COL17A1: variants seen among roughly 807,000 people sequenced by gnomAD.
COL17A1 encodes collagen type XVII alpha 1 chain.
In COL17A1, 181 loss-of-function variants were observed where a neutral mutation model predicts 218.4. The observed-to-expected ratio is 0.83, with a 90% CI of 0.73 to 0.94. COL17A1 has a LOEUF of 0.94. Among genes scored for constraint, COL17A1 ranks in the 40% least tolerant of loss-of-function variants. The probability of loss-of-function intolerance (pLI) is 0.00; values close to 1 mark genes in which losing one functional copy is unlikely to be tolerated. For missense variants in COL17A1, 1,924 were observed against 1,945.9 expected (o/e 0.99, Z 0.21); for synonymous variants, 721 against 731.0 (o/e 0.99, Z 0.22).
At chr10:104,056,120 C>G in intron 17 of COL17A1, 117 bp from the exon 18 acceptor site, 2 of 1,200,222 alleles carry the variant, frequency 1.7e-6, no homozygotes, top group Non-Finnish European at 2.5e-6. Flanking sequence ...CTTCTTCATG[C>G]TAGAATACTC....
In COL17A1 at chr10:104,070,527, C is replaced by T. The variant is rs767496854; in HGVS notation, c.506G>A (p.Arg169Gln). Reference protein sequence around the residue: ...DDVKRLLKGSRSASVSPTRNS... With the variant: ...DDVKRLLKGSQSASVSPTRNS... Reference sequence around the variant, plus strand: ...CCGGGTGGGGCTCACACTTGCCGATCGACTCCCCTTGAGCAAACGCTTAAC... The same window carrying T: ...CCGGGTGGGGCTCACACTTGCCGATTGACTCCCCTTGAGCAAACGCTTAAC... Residue 169 changes from arginine (R) to glutamine (Q), a missense_variant, in exon 9 of 56, where the codon CGA (arginine) becomes CAA (glutamine). Physicochemically the swap from Arg to Gln is conservative, Grantham distance 43. Transcript: ENST00000648076. 1.2e-5 allele frequency: 20 copies of T among 1,614,006 alleles called. No homozygotes were observed. Among genetic ancestry groups the T allele is most frequent in the Admixed American group, 1.0e-4 (6 of 60,008 alleles).
At chr10:104,058,357 T>C (rs562949132) in intron 15 of COL17A1, among the ~76,000 whole-genome samples, 167 bp from the exon 16 acceptor site, 1 of 152,348 alleles carries the variant, frequency 6.6e-6, no homozygotes, top group Admixed American at 6.5e-5. Flanking sequence ...TTTGCGATAA[T>C]TACATCCATG....
In COL17A1 at chr10:104,057,123, G is replaced by A. The variant is rs200949191; in HGVS notation, c.1317C>T (p.Gly439=). 16 of 1,602,710 alleles carry A rather than the reference G, an allele frequency of 1.0e-5. No homozygotes were observed. The highest frequency in any genetic ancestry group is 3.3e-5 in the South Asian group (3 of 91,040). ...GGCCGCCGCCAGCGCCACCAACACC[G>A]CCACCTCCTCCACTGCCACCACCAC... ...SSGGGGSGGG[G]GVGGAGGGPW... The change falls in exon 17 of 56, where the codon GGC becomes GGT. Residue 439 remains glycine (G), a synonymous_variant. Coordinates refer to ENST00000648076, the MANE Select transcript of COL17A1 (RefSeq NM_000494.4).
rs758414436 is a variant in COL17A1 at position 104,035,393 on chromosome 10, C to T, written c.3509-20G>A. 57 of 1,613,660 alleles carry T rather than the reference C, an allele frequency of 3.5e-5. No homozygotes were observed. The highest frequency in any genetic ancestry group is 6.7e-5 in the Admixed American group (4 of 59,998). On this transcript the variant is annotated intron_variant, in intron 49 of 55. Transcript: ENST00000648076. ...CAGACCCTGAGACACCAAGGGAGGG[C>T]ACGGAGTCAGTCCTGGCCTGGGCCA... is the stretch of plus-strand genomic sequence containing the variant.
rs1589567699 is a variant in COL17A1, at chr10:104,055,708, T to TG, written c.1687+73dup. On this transcript the variant is annotated intron_variant, in intron 18 of 55. Transcript: ENST00000648076. ...GCCGGATGATGGTGCTCACAGCACA[T>TG]GCACACATACCACATAGATGCAAAG... The TG allele has an allele frequency of 3.2e-6, 5 of 1,584,366 alleles. No individual in the cohort carries two copies. In the East Asian group the frequency reaches 1.1e-4, roughly 35 times the overall value.
intron 24 of COL17A1, 72 bp from the exon 25 acceptor site, chr10:104,051,588 G>A (rs1293424414): frequency 6.3e-6 from 10 of 1,586,434 alleles, no homozygotes; most frequent in Non-Finnish European, 8.6e-6. Context: ...CCGGTGCAGG[G>A]CAGGTGGGGG....
chr10:104,049,274 C>G, intron 29 of COL17A1, 135 bp downstream of exon 29: 1 of 791,510 alleles, frequency 1.3e-6, no homozygotes. Context: ...ACAGAAATGA[C>G]TGGTCAAGGG....
At chr10:104,056,900 T>C in intron 17 of COL17A1, 75 bp downstream of exon 17, 1 of 1,547,464 alleles carries the variant, frequency 6.5e-7, no homozygotes, top group Non-Finnish European at 8.7e-7. Flanking sequence ...ATTCACAGAT[T>C]CCTGCCCTTC....
intron 4 of COL17A1, among the ~76,000 whole-genome samples, chr10:104,076,917 A>T (rs1242000601): frequency 6.6e-6 from 1 of 152,202 alleles, no homozygotes; most frequent in African/African-American, 2.4e-5. Context: ...CACTGGGAAC[A>T]ATGGGCCTGT....
chr10:104,039,684 C>T, intron 41 of COL17A1, 44 bp from the exon 42 acceptor site: 2 of 1,613,744 alleles, frequency 1.2e-6, no homozygotes, highest in Non-Finnish European at 1.7e-6. Flanking sequence ...TCACTTTTCT[C>T]ACCCACTAAC....
Position 104,073,202 on chromosome 10 carries a change from G to T in COL17A1, c.415+8C>A. 1 of 1,613,288 alleles carries T rather than the reference G, an allele frequency of 6.2e-7. No homozygotes were observed. Among genetic ancestry groups the T allele is most frequent in the Non-Finnish European group, 8.5e-7 (1 of 1,179,312 alleles). ...ATGAATTGGACTGAACCCAGTGACA[G>T]CACTCACCTCGTGTTTGACTCCGTC... On this transcript the variant is annotated splice_region_variant and intron_variant, in intron 7 of 55. Coordinates refer to ENST00000648076, the MANE Select transcript of COL17A1 (RefSeq NM_000494.4).
chr10:104,054,443 C>T (rs903699373), intron 20 of COL17A1, among the ~76,000 whole-genome samples: 16 of 151,952 alleles, frequency 1.1e-4, no homozygotes, highest in African/African-American at 3.1e-4. Flanking sequence ...GAGGGGTGTG[C>T]GGGCTGGAGA....
chr10:104,032,899 C>A lies in COL17A1; in HGVS notation c.4357+7G>T. On this transcript the variant is annotated splice_region_variant and intron_variant, in intron 54 of 55. Transcript: ENST00000648076. Reference sequence around the variant, plus strand: ...GATCCAGGGACTGGCTCTCTGCCACCACTTACCTTTGGGTCCTGGAGTGCC... The same window carrying A: ...GATCCAGGGACTGGCTCTCTGCCACAACTTACCTTTGGGTCCTGGAGTGCC... 1 of 1,614,156 alleles carries A rather than the reference C, an allele frequency of 6.2e-7. No homozygotes were observed. Among genetic ancestry groups the A allele is most frequent in the East Asian group, 2.2e-5 (1 of 44,880 alleles).
rs750821979 is a variant in COL17A1, at chr10:104,043,595, G to T, written c.2435-14C>A. 1.2e-6 allele frequency: 2 copies of T among 1,613,618 alleles called. No homozygotes were observed. The highest frequency in any genetic ancestry group is 1.7e-5 in the Admixed American group (1 of 60,002). Reference sequence around the variant, plus strand: ...TCGATGACCCCTCTGAAAACAGAAGGCACATGGAACATTGAGCCCTACTTT... The same window carrying T: ...TCGATGACCCCTCTGAAAACAGAAGTCACATGGAACATTGAGCCCTACTTT... On this transcript the variant is annotated splice_polypyrimidine_tract_variant and intron_variant, in intron 34 of 55. Transcript: ENST00000648076.
intron 41 of COL17A1, 101 bp from the exon 42 acceptor site, chr10:104,039,741 G>T: frequency 6.6e-7 from 1 of 1,521,484 alleles, no homozygotes; most frequent in Non-Finnish European, 9.1e-7. Flanking sequence ...GGGCTGCGTT[G>T]CCCTTTGGGC....
At position 104,040,931 on chromosome 10, in the gene COL17A1, T is replaced by C. The variant is rs981776931; in HGVS notation, c.2701+134A>G. On this transcript the variant is annotated intron_variant, in intron 39 of 55. Coordinates refer to ENST00000648076, the MANE Select transcript of COL17A1 (RefSeq NM_000494.4). Reference sequence around the variant, plus strand: ...CCATGTGCAGCAAGCAGGAAGATTATATAAACATATCCCCATGGAAGTCAG... The same window carrying C: ...CCATGTGCAGCAAGCAGGAAGATTACATAAACATATCCCCATGGAAGTCAG... 35 of 997,888 alleles carry C rather than the reference T, an allele frequency of 3.5e-5. No individual in the cohort carries two copies. The Admixed American group carries it at 6.5e-4, about 18-fold the overall frequency. 61.8% of individuals were successfully genotyped at this position (997,888 alleles called of 1,614,324 possible). A position where few individuals can be genotyped will look rare whatever the true frequency, so the allele number is the denominator to read the frequency against.
At position 104,040,397 on chromosome 10, in the gene COL17A1, G is replaced by A. The variant is rs139467442; in HGVS notation, c.2715C>T (p.Ser905=). 912 of 1,609,064 alleles carry A rather than the reference G, an allele frequency of 5.7e-4. 6 individuals carry two copies. Among genetic ancestry groups the A allele is most frequent in the South Asian group, 5.7e-3 (515 of 90,910 alleles). The stretch of plus-strand genomic sequence containing the variant: ...GGGGGCCAGGTGGGCCTGGGGGGCC[G>A]GAGAGGAAGGTTTCTGCAGAGGAAG... ...SFLSNSETFL[S]GPPGPPGPPG... is the part of the protein sequence containing the mutation. The change falls in exon 40 of 56, where the codon TCC becomes TCT. Residue 905 remains serine (S), a synonymous_variant. Transcript: ENST00000648076.
intron 5 of COL17A1, among the ~76,000 whole-genome samples, chr10:104,075,828 C>T (rs1020837779): frequency 3.3e-5 from 5 of 152,278 alleles, no homozygotes; most frequent in African/African-American, 1.2e-4. Context: ...TCCCATCTCT[C>T]CATCTTTGGG....
At chr10:104,043,227 G>A (rs1405626718) in intron 35 of COL17A1, among the ~76,000 whole-genome samples, 5 of 152,192 alleles carry the variant, frequency 3.3e-5, no homozygotes, top group Non-Finnish European at 7.3e-5. Flanking sequence ...CTTATTGGCC[G>A]TGGGACCTTG....
Sources: allele counts gnomAD v4.1 joint callset (sites outside exome capture counted in the v4.1 genomes callset), GRCh38; gene constraint gnomAD v4.1.1; transcripts MANE v1.5; gene names NCBI Gene and HGNC (gene_info 2026-07-23, HGNC 2026-07-21).